LAMA2: variants seen among roughly 807,000 people sequenced by gnomAD.
LAMA2 encodes the protein laminin subunit alpha 2.
In LAMA2, 269 loss-of-function variants were observed where a neutral mutation model predicts 364.8. That is an observed-to-expected ratio of 0.74 (90% CI 0.67 to 0.82). The LOEUF (loss-of-function observed/expected upper bound fraction) is 0.82, where lower values mean the gene tolerates loss of function less well. Among genes scored for constraint, LAMA2 ranks in the 40% least tolerant of loss-of-function variants. The probability of loss-of-function intolerance (pLI) is 0.00; values close to 1 mark genes in which losing one functional copy is unlikely to be tolerated. For synonymous variants in LAMA2, 1,379 were observed against 1,370.6 expected, an observed-to-expected ratio of 1.01 and a Z score of -0.14; for missense variants, 3,807 against 3,873.2, an observed-to-expected ratio of 0.98 and a Z score of 0.45.
At chr6:129,220,656 T>G (rs1426101679) in intron 12 of LAMA2, among the ~76,000 whole-genome samples, 2 of 152,218 alleles carry the variant, frequency 1.3e-5, no homozygotes, top group Non-Finnish European at 2.9e-5. Context: ...TAAAATGTCA[T>G]ACTTTCCAAA....
At chr6:128,986,850 C>A (rs1295278744) in intron 1 of LAMA2, among the ~76,000 whole-genome samples, 1 of 151,970 alleles carries the variant, frequency 6.6e-6, no homozygotes, top group Admixed American at 6.6e-5. Flanking sequence ...GATGTAAAAA[C>A]TTTTACATAG....
chr6:129,498,311 G>A (rs563583774), intron 58 of LAMA2, among the ~76,000 whole-genome samples: 7 of 152,316 alleles, frequency 4.6e-5, no homozygotes, highest in East Asian at 1.9e-4. Flanking sequence ...AAAGGAAAGC[G>A]ATTTCCCTAG....
intron 1 of LAMA2, among the ~76,000 whole-genome samples, chr6:128,915,809 A>G (rs9482955): frequency 0.083 from 12,576 of 152,208 alleles, 970 homozygotes; most frequent in African/African-American, 0.2. Flanking sequence ...ACAGTATAAA[A>G]TCCAAGTCTT....
At chr6:129,224,124 A>T (rs974358878) in intron 12 of LAMA2, among the ~76,000 whole-genome samples, 1 of 152,140 alleles carries the variant, frequency 6.6e-6, no homozygotes, top group Admixed American at 6.5e-5. Flanking sequence ...ATAGGAGTTC[A>T]CTCATGATTT....
intron 9 of LAMA2, among the ~76,000 whole-genome samples, chr6:129,171,105 T>C (rs1364761197): frequency 6.6e-6 from 1 of 152,188 alleles, no homozygotes; most frequent in Non-Finnish European, 1.5e-5. Context: ...TACGGAACAC[T>C]GATGGGTCTT....
chr6:129,421,254 A>T (rs1781057748), intron 40 of LAMA2, among the ~76,000 whole-genome samples: 1 of 152,108 alleles, frequency 6.6e-6, no homozygotes, highest in South Asian at 2.1e-4. Flanking sequence ...TAATAAAAAC[A>T]TACAGCAACT....
At chr6:129,011,000 A>G (rs900992118) in intron 1 of LAMA2, among the ~76,000 whole-genome samples, 5 of 151,800 alleles carry the variant, frequency 3.3e-5, no homozygotes, top group African/African-American at 1.2e-4. Context: ...TTTCTTTGAG[A>G]TGGAGTCTCG....
rs555767281 is a variant in LAMA2, at chr6:129,091,102, A to G, written c.397-7071A>G. ...ACTAAGGAAAAAAAATAACATTTTC[A>G]TGAAAAAATGAAATTGCATTACATT... On this transcript the variant is annotated intron_variant, in intron 3 of 64. Transcript: ENST00000421865. Among the ~76,000 whole-genome samples the G allele has an allele frequency of 1.1e-4, 16 of 152,314 alleles. No individual in the cohort carries two copies. In the East Asian group the frequency reaches 2.1e-3, roughly 20 times the overall value.
intron 1 of LAMA2, among the ~76,000 whole-genome samples, chr6:129,049,476 G>C (rs925110594): frequency 6.6e-6 from 1 of 152,044 alleles, no homozygotes; most frequent in Non-Finnish European, 1.5e-5. Context: ...AGGATAATTA[G>C]AGCATGAAAT....
intron 43 of LAMA2, among the ~76,000 whole-genome samples, chr6:129,442,624 G>A (rs537632904): frequency 2.2e-4 from 33 of 151,992 alleles, no homozygotes; most frequent in African/African-American, 7.0e-4. Flanking sequence ...ATTTCATCAC[G>A]CATGTATTAA....
chr6:129,156,438 A>T lies in LAMA2; in HGVS notation c.1206+1755A>T, dbSNP rs189205342. ...TTTGCTTTGCATGACTGTAAAAAAA[A>T]TTTTTAAATAATTTTCCAATTATTT... is the stretch of plus-strand genomic sequence containing the variant. On this transcript the variant is annotated intron_variant, in intron 8 of 64. Coordinates refer to ENST00000421865, the MANE Select transcript of LAMA2 (RefSeq NM_000426.4). Among the ~76,000 whole-genome samples, 652 of 151,918 alleles carry T rather than the reference A, an allele frequency of 4.3e-3. 2 individuals are homozygous for T. Among genetic ancestry groups the T allele is most frequent in the African/African-American group, 0.012 (499 of 41,512 alleles).
At chr6:129,067,048 C>T (rs1330187138) in intron 3 of LAMA2, among the ~76,000 whole-genome samples, 1 of 152,148 alleles carries the variant, frequency 6.6e-6, no homozygotes, top group African/African-American at 2.4e-5. Flanking sequence ...ACAGGAAACA[C>T]AATAAAACAT....
intron 58 of LAMA2, among the ~76,000 whole-genome samples, chr6:129,500,925 G>T (rs528804077): frequency 6.6e-6 from 1 of 152,126 alleles, no homozygotes; most frequent in Non-Finnish European, 1.5e-5. Context: ...ATAACCCACT[G>T]GTGGTTCTCT....
intron 1 of LAMA2, among the ~76,000 whole-genome samples, chr6:129,045,137 A>G (rs2114762749): frequency 6.6e-6 from 1 of 152,296 alleles, no homozygotes; most frequent in South Asian, 2.1e-4. Context: ...ACAGCAAAAT[A>G]GCAATGAAAT....
chr6:128,997,278 TAGAAAGAAAGAAAGAGAAAAGA>T (rs1428257075), intron 1 of LAMA2, among the ~76,000 whole-genome samples: 2 of 131,328 alleles, frequency 1.5e-5, no homozygotes, highest in Admixed American at 1.6e-4. Context: ...GAACTTAAAG[TAGAAAGAAAGAAAGAGAAAAGA>T]AGAAAGAAAG....
At chr6:129,440,413 A>G (rs989154403) in intron 42 of LAMA2, among the ~76,000 whole-genome samples, 2 of 152,106 alleles carry the variant, frequency 1.3e-5, no homozygotes, top group Non-Finnish European at 2.9e-5. Flanking sequence ...TCCTAAAATG[A>G]AAATACGTTA....
chr6:129,357,862 CAA>C (rs1466542889), intron 32 of LAMA2, among the ~76,000 whole-genome samples: 3 of 151,860 alleles, frequency 2.0e-5, no homozygotes, highest in Non-Finnish European at 4.4e-5. Context: ...GGAGCAGAAA[CAA>C]AATAGAATGT....
At chr6:129,450,157 G>GT (rs138737135) in intron 45 of LAMA2, among the ~76,000 whole-genome samples, 23,124 of 141,870 alleles carry the variant, frequency 0.16, 1,845 homozygotes, top group East Asian at 0.24. Context: ...ATGGAATCCC[G>GT]TTTTTTTTTT....
intron 7 of LAMA2, among the ~76,000 whole-genome samples, chr6:129,150,100 G>T (rs1328048435): frequency 1.3e-5 from 2 of 152,060 alleles, no homozygotes; most frequent in Non-Finnish European, 2.9e-5. Context: ...ATTTGTGTCT[G>T]CCTGTTTATA....
Sources: allele counts gnomAD v4.1 joint callset (sites outside exome capture counted in the v4.1 genomes callset), GRCh38; gene constraint gnomAD v4.1.1; transcripts MANE v1.5; gene names NCBI Gene and HGNC (gene_info 2026-07-23, HGNC 2026-07-21).